Variants in PHTF2 observed in about 807,000 individuals in gnomAD.
The protein encoded by PHTF2 is putative homeodomain transcription factor 2, also known as protein PHTF2.
In PHTF2, 60 loss-of-function variants were observed where a neutral mutation model predicts 101.2. The ratio of observed to expected loss-of-function variants is 0.59; its 90% CI spans 0.48 to 0.73. The LOEUF (loss-of-function observed/expected upper bound fraction) is 0.73. PHTF2 is among the 30% of genes least tolerant of loss of function. The pLI is 0.00. For missense variants in PHTF2, 747 were observed against 908.7 expected, an observed-to-expected ratio of 0.82 and a Z score of 2.29; for synonymous variants, 311 against 307.3, an observed-to-expected ratio of 1.01 and a Z score of -0.13.
chr7:77,848,620 A>G (rs958969696), intron 2 of PHTF2, among the ~76,000 whole-genome samples: 4 of 152,168 alleles, frequency 2.6e-5, no homozygotes, highest in Non-Finnish European at 5.9e-5. Flanking sequence ...ATTCATTGTC[A>G]GATGGGTAGT....
chr7:77,908,420 TATC>T (rs1305011045), intron 7 of PHTF2, among the ~76,000 whole-genome samples: 1 of 152,238 alleles, frequency 6.6e-6, no homozygotes, highest in Non-Finnish European at 1.5e-5. Flanking sequence ...ATGATACACT[TATC>T]ATAAGATTTC....
At chr7:77,815,473 A>G (rs977781508) in intron 1 of PHTF2, among the ~76,000 whole-genome samples, 1 of 152,200 alleles carries the variant, frequency 6.6e-6, no homozygotes, top group Non-Finnish European at 1.5e-5. Flanking sequence ...ACTGGTTTCA[A>G]TTTGTAGTTT....
intron 1 of PHTF2, among the ~76,000 whole-genome samples, chr7:77,826,305 G>A (rs1794694339): frequency 1.3e-5 from 2 of 152,216 alleles, no homozygotes; most frequent in African/African-American, 4.8e-5. Flanking sequence ...AGTTTTGACG[G>A]TAGGAAGTTG....
intron 3 of PHTF2, chr7:77,854,964 A>G: frequency 1.7e-6 from 1 of 587,200 alleles, no homozygotes; most frequent in Non-Finnish European, 3.1e-6. Flanking sequence ...CTGGTGTTCT[A>G]CCCTACTGTG....
At chr7:77,837,987 TGGGTAAAGTGAAAAGA>T (rs1010842690) in intron 1 of PHTF2, among the ~76,000 whole-genome samples, 33 of 152,260 alleles carry the variant, frequency 2.2e-4, no homozygotes, top group African/African-American at 7.5e-4. Flanking sequence ...CAATAAAGAT[TGGGTAAAGTGAAAAGA>T]GGGTAAAGTG....
intron 2 of PHTF2, among the ~76,000 whole-genome samples, chr7:77,850,940 G>A (rs1005466118): frequency 2.0e-5 from 3 of 152,066 alleles, no homozygotes; most frequent in African/African-American, 4.8e-5. Flanking sequence ...TGCATATGTT[G>A]AACCATCATG....
At chr7:77,838,678 G>A (rs1438716334) in intron 1 of PHTF2, among the ~76,000 whole-genome samples, 2 of 152,126 alleles carry the variant, frequency 1.3e-5, no homozygotes, top group African/African-American at 2.4e-5. Flanking sequence ...AAAGAAACAG[G>A]TTGAGAGAAA....
intron 3 of PHTF2, among the ~76,000 whole-genome samples, chr7:77,875,787 G>C (rs1282317948): frequency 1.3e-5 from 2 of 152,066 alleles, no homozygotes; most frequent in African/African-American, 4.8e-5. Context: ...TTGATCTCCT[G>C]ACCTCGTGAT....
At chr7:77,893,443 C>CT (rs1456678917) in intron 3 of PHTF2, among the ~76,000 whole-genome samples, 165 bp from the exon 3 acceptor site, 1 of 152,106 alleles carries the variant, frequency 6.6e-6, no homozygotes, top group Non-Finnish European at 1.5e-5. Context: ...TGAAATCATA[C>CT]TTTGAGAACC....
intron 1 of PHTF2, among the ~76,000 whole-genome samples, chr7:77,830,130 G>C (rs1317094565): frequency 1.3e-5 from 2 of 152,116 alleles, no homozygotes; most frequent in East Asian, 3.9e-4. Context: ...TGCTCTCAAA[G>C]AACGTGTGGG....
At chr7:77,940,217 T>C in exon 14 of PHTF2, 1 of 1,613,890 alleles carries the variant, frequency 6.2e-7, no homozygotes, top group Non-Finnish European at 8.5e-7. Context: ...GTTCTTTCTA[T>C]GGTTATAATA....
intron 1 of PHTF2, among the ~76,000 whole-genome samples, chr7:77,827,664 A>G (rs1794784388): frequency 6.8e-6 from 1 of 146,984 alleles, no homozygotes; most frequent in Non-Finnish European, 1.5e-5. Flanking sequence ...TTTTTTTGAG[A>G]TGGAGTTTCG....
At chr7:77,946,558 A>G (rs897210240) in intron 16 of PHTF2, among the ~76,000 whole-genome samples, 17 of 152,234 alleles carry the variant, frequency 1.1e-4, no homozygotes, top group African/African-American at 4.1e-4. Context: ...TATGAAGATT[A>G]ACAAAAATAG....
intron 9 of PHTF2, among the ~76,000 whole-genome samples, chr7:77,912,218 C>A (rs1314869240): frequency 6.6e-6 from 1 of 152,210 alleles, no homozygotes; most frequent in East Asian, 1.9e-4. Flanking sequence ...GGCGAACTCA[C>A]TCTGGATTTA....
At chr7:77,855,646 C>T (rs537244931) in intron 3 of PHTF2, among the ~76,000 whole-genome samples, 1 of 152,298 alleles carries the variant, frequency 6.6e-6, no homozygotes, top group Non-Finnish European at 1.5e-5. Flanking sequence ...AGCCGGAACG[C>T]AGTTTCTGAC....
chr7:77,940,284 A>C, exon 14 of PHTF2: 3 of 1,611,988 alleles, frequency 1.9e-6, no homozygotes, highest in Non-Finnish European at 2.5e-6. Flanking sequence ...TCTGTGTAGC[A>C]GAAAGAACTT....
intron 9 of PHTF2, among the ~76,000 whole-genome samples, chr7:77,916,259 TC>T (rs1245400638): frequency 2.0e-5 from 3 of 152,138 alleles, no homozygotes; most frequent in Non-Finnish European, 4.4e-5. Context: ...AAGTCTCTCA[TC>T]CCCACTGCCT....
intron 14 of PHTF2, 59 bp downstream of exon 13, chr7:77,940,361 T>C: frequency 6.9e-7 from 1 of 1,444,008 alleles, no homozygotes; most frequent in South Asian, 1.4e-5. Context: ...ATATTAAAAG[T>C]ATTCCTGAAG....
At chr7:77,801,014 A>G (rs1792498844) in intron 1 of PHTF2, among the ~76,000 whole-genome samples, 1 of 152,222 alleles carries the variant, frequency 6.6e-6, no homozygotes, top group East Asian at 1.9e-4. Flanking sequence ...GGAAAATAAC[A>G]CTGCAAAACC....
Sources: allele counts gnomAD v4.1 joint callset (sites outside exome capture counted in the v4.1 genomes callset), GRCh38; gene constraint gnomAD v4.1.1; transcripts MANE v1.5; gene names NCBI Gene and HGNC (gene_info 2026-07-23, HGNC 2026-07-21).